MARK3: variants seen among roughly 807,000 people sequenced by gnomAD.
The protein encoded by MARK3 is MAP/microtubule affinity-regulating kinase 3.
In MARK3, 46 loss-of-function variants were observed where a neutral mutation model predicts 90.1. The observed-to-expected ratio is 0.51, with a 90% CI of 0.40 to 0.65. The LOEUF (loss-of-function observed/expected upper bound fraction) is 0.65, where lower values mean the gene tolerates loss of function less well. Among genes scored for constraint, MARK3 ranks in the 30% least tolerant of loss-of-function variants. The probability of loss-of-function intolerance (pLI) is 0.00; values close to 1 mark genes in which losing one functional copy is unlikely to be tolerated. For synonymous variants in MARK3, 321 were observed against 332.6 expected (o/e 0.97, Z 0.38); for missense variants, 818 against 947.2 (o/e 0.86, Z 1.79).
chr14:103,435,189 A>G (rs1164808211), intron 3 of MARK3, among the ~76,000 whole-genome samples: 4 of 152,194 alleles, frequency 2.6e-5, no homozygotes, highest in Middle Eastern at 3.2e-3. Flanking sequence ...AGTTTTCTTA[A>G]GCCAGTACTT....
intron 5 of MARK3, among the ~76,000 whole-genome samples, chr14:103,452,438 A>G (rs1595743812): frequency 3.3e-5 from 5 of 150,208 alleles, no homozygotes; most frequent in African/African-American, 1.2e-4. Context: ...CTACTCTTGG[A>G]ACCTCATACA....
At position 103,465,608 on chromosome 14, in the gene MARK3, G is replaced by A. The variant is rs1310890490; in HGVS notation, c.592G>A (p.Gly198Ser). The A allele has an allele frequency of 3.1e-6, 5 of 1,613,886 alleles. No individual in the cohort carries two copies. The highest frequency in any genetic ancestry group is 1.3e-5 in the African/African-American group (1 of 74,844). ...TATGAACATTAAAATAGCAGATTTC[G>A]GTTTTAGCAATGAATTTACTGTTGG... is the stretch of plus-strand genomic sequence containing the variant. ...ADMNIKIADF[G>S]FSNEFTVGGK... is the part of the protein sequence containing the mutation. The change falls in exon 8 of 18, where the codon GGT (glycine) becomes AGT (serine). Residue 198 changes from glycine to serine, a missense_variant. This residue lies in a region of MARK3 where 101 missense variants were observed against 175.1 expected (regional missense o/e 0.58). Coordinates refer to ENST00000429436, the MANE Select transcript of MARK3 (RefSeq NM_001128918.3).
At chr14:103,465,861 A>G in intron 8 of MARK3, 68 bp downstream of exon 8, 6 of 1,545,364 alleles carry the variant, frequency 3.9e-6, no homozygotes, top group Non-Finnish European at 5.3e-6. Context: ...ATGGCTTAAT[A>G]TTTTTAACAT....
At chr14:103,474,419 G>A (rs1214617296) in intron 12 of MARK3, among the ~76,000 whole-genome samples, 1 of 151,678 alleles carries the variant, frequency 6.6e-6, no homozygotes, top group Non-Finnish European at 1.5e-5. Context: ...TCCTCCTGGA[G>A]TGGCAGGAAT....
At chr14:103,412,855 A>C (rs1394940560) in intron 2 of MARK3, 1 of 324,254 alleles carries the variant, frequency 3.1e-6, no homozygotes, top group Non-Finnish European at 5.8e-6. Context: ...AATGATGCCA[A>C]GTCTTTCTTT....
intron 5 of MARK3, 50 bp downstream of exon 5, chr14:103,452,033 A>G: frequency 8.0e-7 from 1 of 1,247,358 alleles, no homozygotes; most frequent in Non-Finnish European, 1.2e-6. Flanking sequence ...TCCCTTTTAA[A>G]AAAATACACA....
At chr14:103,392,819 T>A (rs11624343) in intron 1 of MARK3, among the ~76,000 whole-genome samples, 38,204 of 151,422 alleles carry the variant, frequency 0.25, 5,985 homozygotes, top group Middle Eastern at 0.42. Context: ...TTTTTTTTTT[T>A]AAATTTCCTG....
At chr14:103,440,108 T>C (rs1417947202) in intron 3 of MARK3, among the ~76,000 whole-genome samples, 1 of 152,160 alleles carries the variant, frequency 6.6e-6, no homozygotes, top group African/African-American at 2.4e-5. Flanking sequence ...TTTACCTACA[T>C]TGTGTTCCAT....
chr14:103,486,901 A>G (rs2093939353), intron 14 of MARK3, among the ~76,000 whole-genome samples: 1 of 132,542 alleles, frequency 7.5e-6, no homozygotes, highest in South Asian at 2.5e-4. Flanking sequence ...AGTATGTCAA[A>G]AAGTTTATTT....
chr14:103,458,889 A>C, intron 6 of MARK3: 1 of 486,340 alleles, frequency 2.1e-6, no homozygotes, highest in South Asian at 3.6e-5. Flanking sequence ...AATCTAGTAA[A>C]ACCAAAGTAA....
chr14:103,437,572 A>G (rs1418054580), intron 3 of MARK3, among the ~76,000 whole-genome samples: 1 of 152,024 alleles, frequency 6.6e-6, no homozygotes, highest in Non-Finnish European at 1.5e-5. Context: ...ACAGGCACAC[A>G]CCACCATACC....
intron 15 of MARK3, 112 bp downstream of exon 15, chr14:103,492,146 C>A: frequency 1.6e-6 from 2 of 1,248,312 alleles, no homozygotes; most frequent in Non-Finnish European, 2.2e-6. Flanking sequence ...CTGCCTTCAG[C>A]TCATGGTTTT....
Position 103,491,774 on chromosome 14 carries a change from T to A in MARK3, c.1587-3T>A, listed in dbSNP as rs767377350. 5 of 1,613,644 alleles carry A rather than the reference T, an allele frequency of 3.1e-6. No individual in the cohort carries two copies. The highest frequency in any genetic ancestry group is 1.3e-5 in the African/African-American group (1 of 74,940). On this transcript the variant is annotated splice_polypyrimidine_tract_variant and splice_region_variant and intron_variant, in intron 14 of 17. Transcript: ENST00000429436. ...GAGAGCTTCTTACTTTCTGATCTCA[T>A]AGCACTATTCCTGATCAGAGAACTC...
In MARK3 at chr14:103,452,540, C is replaced by G. The variant is rs940795152; in HGVS notation, c.412+557C>G. Among the ~76,000 whole-genome samples the G allele has an allele frequency of 2.2e-5, 3 of 136,694 alleles. No individual in the cohort carries two copies. The South Asian group carries it at 7.0e-4, about 32-fold the overall frequency. 89.7% of individuals were successfully genotyped at this position (136,694 alleles called of 152,430 possible). A position where few individuals can be genotyped will look rare whatever the true frequency, so the allele number is the denominator to read the frequency against. On this transcript the variant is annotated intron_variant, in intron 5 of 17. Transcript: ENST00000429436. Reference sequence around the variant, plus strand: ...AGGCTGGAGTGCAGTGGCGCGATCTCGGCTCACTGCAAGCTCCGCCTCCCG... The same window carrying G: ...AGGCTGGAGTGCAGTGGCGCGATCTGGGCTCACTGCAAGCTCCGCCTCCCG...
intron 1 of MARK3, among the ~76,000 whole-genome samples, chr14:103,395,905 A>G (rs1332495975): frequency 2.0e-5 from 3 of 152,206 alleles, no homozygotes; most frequent in Admixed American, 6.5e-5. Context: ...CTTGAATACA[A>G]CAGTGGGACA....
intron 1 of MARK3, among the ~76,000 whole-genome samples, chr14:103,402,625 C>A (rs1036982153): frequency 6.6e-5 from 10 of 152,050 alleles, no homozygotes; most frequent in African/African-American, 2.2e-4. Context: ...ATTATTATTT[C>A]ATCAATTTGA....
chr14:103,482,164 A>G (rs559585438), intron 14 of MARK3, among the ~76,000 whole-genome samples: 1 of 152,172 alleles, frequency 6.6e-6, no homozygotes, highest in South Asian at 2.1e-4. Context: ...CTTAATAGAA[A>G]ATATCAATAG....
At chr14:103,395,746 A>G (rs1392175182) in intron 1 of MARK3, among the ~76,000 whole-genome samples, 2 of 152,238 alleles carry the variant, frequency 1.3e-5, no homozygotes, top group East Asian at 3.8e-4. Flanking sequence ...ATAGAATTCT[A>G]GACTGAATGC....
intron 2 of MARK3, among the ~76,000 whole-genome samples, chr14:103,413,719 A>G (rs2091796732): frequency 6.6e-6 from 1 of 151,976 alleles, no homozygotes; most frequent in South Asian, 2.1e-4. Flanking sequence ...CGGCCTCCCA[A>G]AGTGCTGAGA....
Sources: allele counts gnomAD v4.1 joint callset (sites outside exome capture counted in the v4.1 genomes callset), GRCh38; gene constraint gnomAD v4.1.1; regional missense constraint gnomAD v4.1.1; transcripts MANE v1.5; gene names NCBI Gene and HGNC (gene_info 2026-07-23, HGNC 2026-07-21).